VPS8: variants seen among roughly 807,000 people sequenced by gnomAD.
The protein encoded by VPS8 is VPS8 subunit of CORVET complex, also known as vacuolar protein sorting-associated protein 8 homolog.
VPS8 carries 129 observed loss-of-function variants against 216.4 expected under a neutral mutation model. The ratio of observed to expected loss-of-function variants is 0.60; its 90% CI spans 0.52 to 0.69. The LOEUF (loss-of-function observed/expected upper bound fraction) is 0.69, where lower values mean the gene tolerates loss of function less well. Ranked by LOEUF, VPS8 falls within the 30% of genes least tolerant of loss-of-function variation. VPS8 has a pLI of 0.00. For missense variants in VPS8, 1,531 were observed against 1,683.5 expected, an observed-to-expected ratio of 0.91 and a Z score of 1.59; for synonymous variants, 571 against 565.4, an observed-to-expected ratio of 1.01 and a Z score of -0.14.
chr3:184,894,984 A>G lies in VPS8; in HGVS notation c.2004+59A>G, dbSNP rs1733124917. The G allele has an allele frequency of 2.1e-6, 3 of 1,399,732 alleles. No homozygotes were observed. In the East Asian group the frequency reaches 7.4e-5, roughly 35 times the overall value. The allele number at this position is 1,399,732 out of a possible 1,614,324, so 86.7% of individuals were successfully genotyped here. A position where few individuals can be genotyped will look rare whatever the true frequency, so the allele number is the denominator to read the frequency against. On this transcript the variant is annotated intron_variant, in intron 23 of 47. Transcript: ENST00000625842. The stretch of plus-strand genomic sequence containing the variant: ...TAAACTTCATTCCTTTATTGATAAC[A>G]CTTACTTCACTGATCAGGCCTGACC...
In VPS8 at chr3:184,839,472, T is replaced by C. The variant is rs201215204; in HGVS notation, c.481-226T>C. ...GTTATTGCCTATAATGTTGAACATA[T>C]GATATTTTGATAGTGTTACTCCTAG... is the stretch of plus-strand genomic sequence containing the variant. On this transcript the variant is annotated intron_variant, in intron 6 of 47. Coordinates refer to ENST00000625842, the MANE Select transcript of VPS8 (RefSeq NM_001009921.3). 1.7e-4 allele frequency: 83 copies of C among 486,206 alleles called. No homozygotes were observed. The East Asian group carries it at 2.8e-3, about 17-fold the overall frequency. The allele number at this position is 486,206 out of a possible 1,614,324, so 30.1% of individuals were successfully genotyped here.
At chr3:184,920,877 G>A (rs1170962229) in intron 29 of VPS8, among the ~76,000 whole-genome samples, 1 of 152,138 alleles carries the variant, frequency 6.6e-6, no homozygotes, top group Non-Finnish European at 1.5e-5. Flanking sequence ...GAATTAAAGT[G>A]TTTTCTAGTT....
chr3:184,872,667 T>TG (rs1728557240), intron 21 of VPS8, among the ~76,000 whole-genome samples: 1 of 152,010 alleles, frequency 6.6e-6, no homozygotes, highest in African/African-American at 2.4e-5. Context: ...TACTAATGAT[T>TG]GGGGAAGTAG....
intron 45 of VPS8, among the ~76,000 whole-genome samples, chr3:185,003,128 ATTT>A (rs1364950791): frequency 2.5e-5 from 1 of 39,424 alleles, no homozygotes; most frequent in African/African-American, 5.7e-5. Flanking sequence ...TTTTATTTTT[ATTT>A]TTATTTTTAT....
chr3:184,957,769 A>AG (rs547577574), intron 37 of VPS8, among the ~76,000 whole-genome samples: 10 of 152,336 alleles, frequency 6.6e-5, no homozygotes, highest in Admixed American at 3.9e-4. Flanking sequence ...GCAGTGGCTT[A>AG]GGGGCTTTGC....
At chr3:184,927,049 C>T (rs1383937905) in intron 31 of VPS8, among the ~76,000 whole-genome samples, 2 of 152,106 alleles carry the variant, frequency 1.3e-5, no homozygotes, top group Admixed American at 6.6e-5. Flanking sequence ...TTTGAGAGTG[C>T]CCTAAAACCC....
chr3:185,003,518 T>C (rs1230526574), intron 45 of VPS8, among the ~76,000 whole-genome samples: 5 of 149,474 alleles, frequency 3.3e-5, no homozygotes, highest in African/African-American at 1.2e-4. Flanking sequence ...TTTTTCTTAG[T>C]ACAGAACAAA....
intron 45 of VPS8, among the ~76,000 whole-genome samples, chr3:185,004,449 C>T (rs554636060): frequency 2.0e-5 from 3 of 152,292 alleles, no homozygotes; most frequent in East Asian, 1.9e-4. Flanking sequence ...AGCCTCGGCT[C>T]GGCCTCAGAG....
intron 40 of VPS8, among the ~76,000 whole-genome samples, chr3:184,981,207 A>G (rs1750139859): frequency 6.6e-6 from 1 of 152,114 alleles, no homozygotes; most frequent in Non-Finnish European, 1.5e-5. Context: ...GTTTCTGGTC[A>G]GCTGGTAGCA....
chr3:184,842,726 G>A (rs1362722536), intron 7 of VPS8, among the ~76,000 whole-genome samples: 1 of 152,116 alleles, frequency 6.6e-6, no homozygotes, highest in Non-Finnish European at 1.5e-5. Context: ...AGTACTGAAT[G>A]TTTCTCTTTG....
At position 184,877,640 on chromosome 3, in the gene VPS8, A is replaced by G. The variant is rs116144711; in HGVS notation, c.1734+6835A>G. ...ACAAAGGGGTTGAGTAACTTGCCCAATATCATTGAACCGGTGAATAGAACC... is the reference window on the plus strand; with the variant it reads ...ACAAAGGGGTTGAGTAACTTGCCCAGTATCATTGAACCGGTGAATAGAACC... On this transcript the variant is annotated intron_variant, in intron 21 of 47. Coordinates refer to ENST00000625842, the MANE Select transcript of VPS8 (RefSeq NM_001009921.3). Among the ~76,000 whole-genome samples the G allele has an allele frequency of 8.4e-3, 1,272 of 152,298 alleles. 18 individuals carry two copies. Among genetic ancestry groups the G allele is most frequent in the African/African-American group, 0.029 (1,192 of 41,562 alleles).
At chr3:184,876,356 T>C (rs535185545) in intron 21 of VPS8, among the ~76,000 whole-genome samples, 58 of 152,080 alleles carry the variant, frequency 3.8e-4, no homozygotes, top group African/African-American at 1.4e-3. Context: ...AAAAATGCTT[T>C]TTTTTTTTTA....
At chr3:184,885,959 T>C (rs1286126730) in intron 21 of VPS8, 151 bp from the exon 22 acceptor site, 11 of 727,030 alleles carry the variant, frequency 1.5e-5, no homozygotes, top group Non-Finnish European at 2.5e-5. Flanking sequence ...TTTTTCAGAC[T>C]TTGACACATA....
intron 45 of VPS8, among the ~76,000 whole-genome samples, chr3:185,015,999 C>A (rs1051815951): frequency 3.3e-5 from 5 of 152,158 alleles, no homozygotes; most frequent in African/African-American, 9.7e-5. Flanking sequence ...TTTATTTGAG[C>A]TTTATGGTCT....
At chr3:184,912,791 G>A (rs1001999113) in intron 25 of VPS8, among the ~76,000 whole-genome samples, 9 of 152,284 alleles carry the variant, frequency 5.9e-5, no homozygotes, top group South Asian at 2.1e-4. Context: ...ACACTTGCTT[G>A]CATTATGTCC....
intron 16 of VPS8, among the ~76,000 whole-genome samples, chr3:184,863,620 T>C (rs1426089974): frequency 4.6e-5 from 7 of 152,196 alleles, no homozygotes; most frequent in Non-Finnish European, 7.3e-5. Context: ...AACAAAGTTA[T>C]GGCCTTAGCA....
chr3:184,978,306 G>C (rs564553578), intron 40 of VPS8, among the ~76,000 whole-genome samples: 1 of 151,912 alleles, frequency 6.6e-6, no homozygotes, highest in Non-Finnish European at 1.5e-5. Flanking sequence ...TTCTGACTGC[G>C]TTTATTTGGA....
At chr3:185,050,120 A>AT (rs1442517774) in intron 47 of VPS8, among the ~76,000 whole-genome samples, 1 of 136,308 alleles carries the variant, frequency 7.3e-6, no homozygotes, top group Non-Finnish European at 1.6e-5. Context: ...TTCCTGGGAA[A>AT]TAATTTTTTT....
At chr3:185,034,137 TGTG>T (rs2108469373) in intron 46 of VPS8, among the ~76,000 whole-genome samples, 1 of 152,290 alleles carries the variant, frequency 6.6e-6, no homozygotes, top group East Asian at 1.9e-4. Context: ...AGTGAGAACA[TGTG>T]GTATTTTGTT....
Sources: allele counts gnomAD v4.1 joint callset (sites outside exome capture counted in the v4.1 genomes callset), GRCh38; gene constraint gnomAD v4.1.1; transcripts MANE v1.5; gene names NCBI Gene and HGNC (gene_info 2026-07-23, HGNC 2026-07-21).